SLC22A24: variants seen among roughly 807,000 people sequenced by gnomAD.
SLC22A24 encodes solute carrier family 22 member 24, also known as steroid transmembrane transporter SLC22A24.
A neutral mutation model predicts 49.8 loss-of-function variants in SLC22A24; 53 were observed. The observed-to-expected ratio is 1.06, with a 90% CI of 0.85 to 1.34. The LOEUF (loss-of-function observed/expected upper bound fraction) is 1.34. Ranked by LOEUF, SLC22A24 falls within the 40% of genes most tolerant of loss-of-function variation. The pLI is 0.00. For missense variants in SLC22A24, 786 were observed against 675.9 expected (o/e 1.16, Z -1.81); for synonymous variants, 302 against 256.4 (o/e 1.18, Z -1.70).
Position 63,101,423 on chromosome 11 carries a change from AT to A in SLC22A24, c.954+2751del, listed in dbSNP as rs1278800566. 2.6e-5 allele frequency among the ~76,000 whole-genome samples: 4 copies of A among 152,202 alleles called. No individual in the cohort carries two copies. In the South Asian group the frequency reaches 8.3e-4, roughly 32 times the overall value. ...TGCTGCTATTCAAAAATTGTATATA[AT>A]ATTATACTAGGTAAGTGTTAATTAA... On this transcript the variant is annotated intron_variant, in intron 5 of 9. Transcript: ENST00000612278.
intron 6 of SLC22A24, 97 bp downstream of exon 6, chr11:63,095,894 T>TA: frequency 1.1e-6 from 1 of 892,804 alleles, no homozygotes; most frequent in Non-Finnish European, 1.8e-6. Context: ...CTCTTATGTA[T>TA]TAAATGTCCT....
intron 1 of SLC22A24, among the ~76,000 whole-genome samples, chr11:63,136,823 G>A (rs779599600): frequency 6.6e-6 from 1 of 152,182 alleles, no homozygotes; most frequent in Non-Finnish European, 1.5e-5. Context: ...TAGTTCTCTT[G>A]GACTGGTGGC....
chr11:63,081,483 GTCTT>G, intron 8 of SLC22A24, 71 bp downstream of exon 8: 1 of 1,021,272 alleles, frequency 9.8e-7, no homozygotes, highest in Non-Finnish European at 1.5e-6. Context: ...AACAGTGTCA[GTCTT>G]TCATTCACAA....
intron 6 of SLC22A24, among the ~76,000 whole-genome samples, chr11:63,086,787 CTA>C (rs905647415): frequency 2.6e-5 from 4 of 151,950 alleles, no homozygotes; most frequent in Admixed American, 6.6e-5. Context: ...AAATGAGTAA[CTA>C]TGTGAGATTA....
At chr11:63,098,357 A>G (rs898932072) in intron 5 of SLC22A24, among the ~76,000 whole-genome samples, 4 of 152,188 alleles carry the variant, frequency 2.6e-5, no homozygotes, top group Non-Finnish European at 5.9e-5. Flanking sequence ...ATTAGTGCCT[A>G]CATCCAAAAT....
intron 4 of SLC22A24, among the ~76,000 whole-genome samples, chr11:63,112,087 C>G (rs1267649197): frequency 6.6e-6 from 1 of 152,008 alleles, no homozygotes; most frequent in Non-Finnish European, 1.5e-5. Flanking sequence ...ATCTTTATTT[C>G]TGCCTTCATT....
intron 6 of SLC22A24, among the ~76,000 whole-genome samples, chr11:63,094,813 C>A (rs1426772300): frequency 6.6e-6 from 1 of 152,228 alleles, no homozygotes; most frequent in African/African-American, 2.4e-5. Context: ...CCTTCACCCA[C>A]TTTTTAATGG....
chr11:63,081,451 C>T, intron 8 of SLC22A24, 107 bp downstream of exon 8: 2 of 787,938 alleles, frequency 2.5e-6, no homozygotes, highest in Non-Finnish European at 4.3e-6. Context: ...ATTTCTATTA[C>T]AGTTAATTCA....
rs7945121 is a variant in SLC22A24, at chr11:63,079,981, T to A, written c.1618A>T (p.Ile540Leu). The A allele has an allele frequency of 1.3e-6, 2 of 1,543,356 alleles. No homozygotes were observed. The highest frequency in any genetic ancestry group is 2.4e-5 in the East Asian group (1 of 40,832). The part of the protein sequence containing the change: ...VENDRKDSRN[I>L]KQEDTCMKVT... ...TTCATGCAAGTATCTTCCTGCTTTA[T>A]GTTTCTTGAATCTTTTCTGCTGAGA... The change falls in exon 10 of 10, where the codon ATA (isoleucine) becomes TTA (leucine). Residue 540 changes from isoleucine to leucine, a missense_variant. By Grantham distance (5) the Ile-to-Leu change is conservative. Coordinates refer to ENST00000612278, the MANE Select transcript of SLC22A24 (RefSeq NM_001136506.2).
chr11:63,138,486 G>GA, intron 1 of SLC22A24, among the ~76,000 whole-genome samples: 1 of 151,572 alleles, frequency 6.6e-6, no homozygotes, highest in East Asian at 1.9e-4. Flanking sequence ...ACTAAAAATA[G>GA]AAAAAATTAG....
chr11:63,097,641 T>G (rs1387279639), intron 5 of SLC22A24, among the ~76,000 whole-genome samples: 8 of 152,102 alleles, frequency 5.3e-5, no homozygotes, highest in Admixed American at 5.2e-4. Flanking sequence ...CTGTTCACAA[T>G]AGCAAAGACT....
intron 4 of SLC22A24, among the ~76,000 whole-genome samples, chr11:63,112,866 AT>A (rs1294113294): frequency 6.6e-6 from 1 of 151,154 alleles, no homozygotes; most frequent in Non-Finnish European, 1.5e-5. Flanking sequence ...TACAAAAAAA[AT>A]AGCAAGGCAT....
intron 4 of SLC22A24, 90 bp from the exon 5 acceptor site, chr11:63,104,388 T>C: frequency 7.5e-7 from 1 of 1,337,092 alleles, no homozygotes; most frequent in Non-Finnish European, 1.0e-6. Flanking sequence ...TTTGATTTAA[T>C]ACAGACATTA....
At chr11:63,124,722 AC>A (rs2087276019) in intron 2 of SLC22A24, among the ~76,000 whole-genome samples, 1 of 152,226 alleles carries the variant, frequency 6.6e-6, no homozygotes, top group African/African-American at 2.4e-5. Flanking sequence ...CCCTTATTAA[AC>A]ATTTCAAATT....
At position 63,083,132 on chromosome 11, in the gene SLC22A24, T is replaced by C. The variant is rs975557405; in HGVS notation, c.1285+111A>G. ...CCCTCATATTAACTTCAGGGAATCT[T>C]TTGGCTGTCAAGGGCAATGCTGTTC... On this transcript the variant is annotated intron_variant, in intron 7 of 9. Transcript: ENST00000612278. 6 of 829,044 alleles carry C rather than the reference T, an allele frequency of 7.2e-6. No individual in the cohort carries two copies. The African/African-American group carries it at 8.6e-5, about 12-fold the overall frequency. 51.4% of individuals were successfully genotyped at this position (829,044 alleles called of 1,614,324 possible). A position where few individuals can be genotyped will look rare whatever the true frequency, so the allele number is the denominator to read the frequency against.
intron 7 of SLC22A24, among the ~76,000 whole-genome samples, 165 bp from the exon 8 acceptor site, chr11:63,081,831 G>A (rs2135189972): frequency 6.6e-6 from 1 of 152,314 alleles, no homozygotes; most frequent in Middle Eastern, 3.4e-3. Context: ...GAGAAATATA[G>A]ACTGTAAAAT....
At chr11:63,128,625 A>G (rs1334215613) in intron 2 of SLC22A24, among the ~76,000 whole-genome samples, 2 of 152,182 alleles carry the variant, frequency 1.3e-5, no homozygotes, top group Non-Finnish European at 2.9e-5. Flanking sequence ...TGAAAGTACT[A>G]AAAGTCTCTG....
At chr11:63,107,276 G>A (rs2087127817) in intron 4 of SLC22A24, among the ~76,000 whole-genome samples, 1 of 152,130 alleles carries the variant, frequency 6.6e-6, no homozygotes, top group African/African-American at 2.4e-5. Flanking sequence ...CCTCTGTTCT[G>A]TTCCATTGGT....
In SLC22A24 at chr11:63,143,555, G is replaced by A. The variant is rs1565047901; in HGVS notation, c.225C>T (p.Ile75=). ...GTLSKDDLLR[I]SIPLDSNLRP... ...TCAGGTTTGAGTCCAGTGGGATGGA[G>A]ATTCTCAGGAGGTCATCCTTGCTGA... The change falls in exon 1 of 10, where the codon ATC becomes ATT. Residue 75 remains isoleucine (I), a synonymous_variant. Transcript: ENST00000612278. The A allele has an allele frequency of 6.3e-7, 1 of 1,580,076 alleles. No homozygotes were observed.
Sources: gnomAD v4.1 joint callset for allele counts (sites outside exome capture counted in the v4.1 genomes callset) on GRCh38, gnomAD v4.1.1 for gene constraint, MANE v1.5 for transcripts, NCBI Gene and HGNC (gene_info 2026-07-23, HGNC 2026-07-21) for gene names.